The following SLCO6A1 variants were observed in gnomAD, a reference collection of about 807,000 sequenced individuals.
SLCO6A1 encodes solute carrier organic anion transporter family member 6A1, also known as cancer/testis antigen 48.
Under a neutral mutation model 72.7 loss-of-function variants are expected in SLCO6A1, and 65 were observed. The ratio of observed to expected loss-of-function variants is 0.89; its 90% CI spans 0.73 to 1.10. The LOEUF (loss-of-function observed/expected upper bound fraction) is 1.10, where lower values mean the gene tolerates loss of function less well. SLCO6A1 is among the 50% of genes least tolerant of loss of function. The probability of loss-of-function intolerance (pLI) is 0.00; values close to 1 mark genes in which losing one functional copy is unlikely to be tolerated. For missense variants in SLCO6A1, 874 were observed against 872.6 expected, an observed-to-expected ratio of 1.00 and a Z score of -0.02; for synonymous variants, 314 against 298.2, an observed-to-expected ratio of 1.05 and a Z score of -0.55.
intron 1 of SLCO6A1, among the ~76,000 whole-genome samples, chr5:102,494,038 A>G (rs1752800109): frequency 1.3e-5 from 2 of 152,202 alleles, no homozygotes; most frequent in Non-Finnish European, 2.9e-5. Context: ...AATGCATATA[A>G]TAAAGCTACA....
At chr5:102,466,371 G>T (rs985741508) in intron 4 of SLCO6A1, among the ~76,000 whole-genome samples, 3 of 151,886 alleles carry the variant, frequency 2.0e-5, no homozygotes, top group African/African-American at 7.3e-5. Context: ...CCTTTTTATG[G>T]CTGCATAGTA....
intron 10 of SLCO6A1, among the ~76,000 whole-genome samples, chr5:102,393,250 T>C (rs797003730): frequency 3.3e-5 from 5 of 152,272 alleles, no homozygotes; most frequent in African/African-American, 9.6e-5. Flanking sequence ...CACATTAGGA[T>C]CCTTCAATGG....
At chr5:102,481,400 T>C (rs1286908633) in intron 1 of SLCO6A1, among the ~76,000 whole-genome samples, 1 of 152,152 alleles carries the variant, frequency 6.6e-6, no homozygotes, top group Non-Finnish European at 1.5e-5. Flanking sequence ...CCAGCATTGC[T>C]CCTGATGCCA....
intron 8 of SLCO6A1, among the ~76,000 whole-genome samples, chr5:102,413,958 T>C (rs1176934526): frequency 6.6e-6 from 1 of 152,154 alleles, no homozygotes; most frequent in Non-Finnish European, 1.5e-5. Context: ...GATTGCTTAT[T>C]TTTTAATATT....
At chr5:102,389,851 T>TATAA (rs1554065690) in intron 11 of SLCO6A1, among the ~76,000 whole-genome samples, 1 of 151,292 alleles carries the variant, frequency 6.6e-6, no homozygotes, top group East Asian at 1.9e-4. Context: ...ATTTATCTCC[T>TATAA]GTATTTTTTC....
chr5:102,480,477 T>A, intron 1 of SLCO6A1, 43 bp from the exon 2 acceptor site: 1 of 1,560,782 alleles, frequency 6.4e-7, no homozygotes, highest in Non-Finnish European at 8.7e-7. Context: ...ATATGCATTT[T>A]AAGAGGTCAT....
chr5:102,475,755 C>T lies in SLCO6A1; in HGVS notation c.841G>A (p.Gly281Ser). ...ECTSMIGYAL[G>S]YVLGAPLVKV... is the part of the protein sequence containing the mutation. ...ACTAGTGGTGCTCCTAGCACATAAC[C>T]CAGAGCATATCCAATCATTGATGTA... Residue 281 changes from glycine (G) to serine (S), a missense_variant, in exon 4 of 14, where the codon GGT (glycine) becomes AGT (serine). By Grantham distance (56) the Gly-to-Ser change is moderately conservative (BLOSUM62 0). Coordinates refer to ENST00000506729, the MANE Select transcript of SLCO6A1 (RefSeq NM_173488.5). 1.2e-6 allele frequency: 2 copies of T among 1,608,480 alleles called. No homozygotes were observed. Among genetic ancestry groups the T allele is most frequent in the Non-Finnish European group, 8.5e-7 (1 of 1,177,064 alleles).
At chr5:102,434,595 A>G (rs1213045208) in intron 7 of SLCO6A1, among the ~76,000 whole-genome samples, 1 of 152,206 alleles carries the variant, frequency 6.6e-6, no homozygotes, top group Non-Finnish European at 1.5e-5. Flanking sequence ...TAGCTTACAG[A>G]TAGGATGAAA....
intron 4 of SLCO6A1, among the ~76,000 whole-genome samples, chr5:102,468,230 C>T (rs548712747): frequency 1.1e-4 from 17 of 152,106 alleles, no homozygotes; most frequent in Admixed American, 3.3e-4. Context: ...TTAAATTTAT[C>T]GAGACATATT....
In SLCO6A1 at chr5:102,385,240, C is replaced by A. The variant is rs182494546; in HGVS notation, c.2017+3448G>T. Among the ~76,000 whole-genome samples, 289 of 152,174 alleles carry A rather than the reference C, an allele frequency of 1.9e-3. 3 individuals are homozygous for A. Among genetic ancestry groups the A allele is most frequent in the African/African-American group, 6.7e-3 (279 of 41,534 alleles). ...TTACTGCTTTCAAAATTCTCTCTTG[C>A]CTTTGACTTTTGTGAATTTGATTGT... On this transcript the variant is annotated intron_variant, in intron 12 of 13. Coordinates refer to ENST00000506729, the MANE Select transcript of SLCO6A1 (RefSeq NM_173488.5).
At chr5:102,398,232 G>A (rs767348414) in intron 10 of SLCO6A1, among the ~76,000 whole-genome samples, 15 of 152,046 alleles carry the variant, frequency 9.9e-5, no homozygotes, top group Non-Finnish European at 1.8e-4. Context: ...AGGCTGGAGT[G>A]CAGTGGCATG....
At chr5:102,373,277 T>C (rs1750724295) in intron 13 of SLCO6A1, 60 bp downstream of exon 13, 5 of 1,070,832 alleles carry the variant, frequency 4.7e-6, no homozygotes, top group Admixed American at 6.8e-5. Context: ...ACATTATTAT[T>C]ACTTTAAATT....
chr5:102,378,814 G>C (rs1216227058), intron 12 of SLCO6A1, among the ~76,000 whole-genome samples: 1 of 151,810 alleles, frequency 6.6e-6, no homozygotes, highest in Non-Finnish European at 1.5e-5. Flanking sequence ...AGAGTTTCAC[G>C]CTTGTCACCC....
chr5:102,378,154 T>G lies in SLCO6A1; in HGVS notation c.2018-4660A>C, dbSNP rs78116706. 1.9e-3 allele frequency among the ~76,000 whole-genome samples: 286 copies of G among 151,370 alleles called. 9 individuals carry two copies. The East Asian group carries it at 0.04, about 21-fold the overall frequency. ...CATAGTGATTTGCAAAGTAATTTTC[T>G]TTTTTTTTAAATTATACTTTAAGTT... On this transcript the variant is annotated intron_variant, in intron 12 of 13. Transcript: ENST00000506729.
At chr5:102,477,121 AAAGT>A (rs150797420) in intron 3 of SLCO6A1, among the ~76,000 whole-genome samples, 3,838 of 152,116 alleles carry the variant, frequency 0.025, 143 homozygotes, top group African/African-American at 0.087. Context: ...ATTACTTAAG[AAAGT>A]ATTTTTTGTT....
rs146628740 is a variant in SLCO6A1 at position 102,401,617 on chromosome 5, G to C, written c.1627-1875C>G. ...TTTACTTTGAAAATAGGTTTGAAAG[G>C]ATTTGCTGAAGGATTCTAGAGTGAA... On this transcript the variant is annotated intron_variant, in intron 9 of 13. Transcript: ENST00000506729. 9.0e-3 allele frequency among the ~76,000 whole-genome samples: 1,368 copies of C among 152,182 alleles called. 13 individuals carry two copies. Among genetic ancestry groups the C allele is most frequent in the Non-Finnish European group, 0.015 (1,038 of 67,984 alleles).
intron 12 of SLCO6A1, 83 bp downstream of exon 12, chr5:102,388,599 TTTAAAA>T: frequency 9.8e-7 from 1 of 1,023,274 alleles, no homozygotes; most frequent in Non-Finnish European, 1.4e-6. Context: ...TAATTCATGG[TTTAAAA>T]TTATAATTCT....
At chr5:102,400,142 G>T (rs776725136) in intron 9 of SLCO6A1, among the ~76,000 whole-genome samples, 7 of 151,836 alleles carry the variant, frequency 4.6e-5, no homozygotes, top group Non-Finnish European at 7.4e-5. Context: ...AATTGTGAAA[G>T]GCTTTGAAAC....
At chr5:102,402,137 C>A (rs979471575) in intron 9 of SLCO6A1, among the ~76,000 whole-genome samples, 1 of 151,902 alleles carries the variant, frequency 6.6e-6, no homozygotes, top group Admixed American at 6.6e-5. Flanking sequence ...AAATTGAGAT[C>A]ATGGAAGGAG....
Sources: allele counts gnomAD v4.1 joint callset (sites outside exome capture counted in the v4.1 genomes callset), GRCh38; gene constraint gnomAD v4.1.1; transcripts MANE v1.5; gene names NCBI Gene and HGNC (gene_info 2026-07-23, HGNC 2026-07-21).